DYNC1I1: variants seen among roughly 807,000 people sequenced by gnomAD.
DYNC1I1 encodes dynein cytoplasmic 1 intermediate chain 1.
A neutral mutation model predicts 86.6 loss-of-function variants in DYNC1I1; 43 were observed. The observed-to-expected ratio is 0.50, with a 90% CI of 0.39 to 0.64. DYNC1I1 has a LOEUF of 0.64. Ranked by LOEUF, DYNC1I1 falls within the 30% of genes least tolerant of loss-of-function variation. The pLI is 0.00. For synonymous variants in DYNC1I1, 262 were observed against 283.7 expected (o/e 0.92, Z 0.77); for missense variants, 604 against 788.8 (o/e 0.77, Z 2.81).
chr7:96,037,532 G>A (rs566899562), intron 13 of DYNC1I1, among the ~76,000 whole-genome samples: 15 of 152,220 alleles, frequency 9.9e-5, no homozygotes, highest in South Asian at 6.2e-4. Context: ...ATCTATATGC[G>A]TATTAGAATC....
intron 10 of DYNC1I1, among the ~76,000 whole-genome samples, chr7:96,021,827 A>T (rs1328451282): frequency 1.3e-5 from 2 of 152,178 alleles, no homozygotes; most frequent in Non-Finnish European, 2.9e-5. Context: ...ATGCTATACC[A>T]TGCATCAGTA....
In DYNC1I1 at chr7:95,858,974, A is replaced by G. The variant is rs982351541; in HGVS notation, c.375-10909A>G. 2.7e-5 allele frequency among the ~76,000 whole-genome samples: 4 copies of G among 146,906 alleles called. No individual in the cohort carries two copies. In the Admixed American group the frequency reaches 2.7e-4, roughly 10 times the overall value. On this transcript the variant is annotated intron_variant, in intron 5 of 16. Coordinates refer to ENST00000447467, the MANE Select transcript of DYNC1I1 (RefSeq NM_001135556.2). ...TAATATATAATTAATATATAAATGT[A>G]TAAGATATTAATGTATTTATTATAT...
chr7:95,959,164 G>A (rs921167389), intron 6 of DYNC1I1, among the ~76,000 whole-genome samples: 4 of 152,062 alleles, frequency 2.6e-5, no homozygotes. Context: ...TCTGTGAGAG[G>A]CTATGAATGC....
intron 6 of DYNC1I1, among the ~76,000 whole-genome samples, chr7:95,943,150 A>C (rs1351923300): frequency 5.2e-4 from 78 of 149,796 alleles, no homozygotes; most frequent in African/African-American, 1.8e-3. Context: ...AAATCTCCTT[A>C]AGCTGATAAG....
chr7:95,902,960 T>C (rs542182009), intron 6 of DYNC1I1, among the ~76,000 whole-genome samples: 1 of 152,268 alleles, frequency 6.6e-6, no homozygotes, highest in Admixed American at 6.5e-5. Context: ...GGTCCAGTGT[T>C]TTTGTTTTTA....
intron 16 of DYNC1I1, among the ~76,000 whole-genome samples, chr7:96,090,168 T>C (rs994132209): frequency 6.6e-6 from 1 of 152,130 alleles, no homozygotes; most frequent in Non-Finnish European, 1.5e-5. Flanking sequence ...GATGATAAGA[T>C]TTTAATACAA....
chr7:95,963,993 A>G (rs1483765151), intron 6 of DYNC1I1, among the ~76,000 whole-genome samples: 37 of 152,188 alleles, frequency 2.4e-4, no homozygotes, highest in Admixed American at 2.4e-3. Context: ...AAATTATTAC[A>G]CTGACAGACA....
At chr7:96,058,145 C>G (rs1789643081) in intron 14 of DYNC1I1, among the ~76,000 whole-genome samples, 1 of 152,106 alleles carries the variant, frequency 6.6e-6, no homozygotes, top group South Asian at 2.1e-4. Context: ...GACATTCTAC[C>G]ATGAAGTAAG....
intron 10 of DYNC1I1, among the ~76,000 whole-genome samples, chr7:95,999,487 C>T (rs2299271): frequency 0.058 from 8,855 of 152,184 alleles, 486 homozygotes; most frequent in East Asian, 0.2. Context: ...CAGCTAACCT[C>T]GTTTGTGTCA....
chr7:95,845,727 G>A (rs144254742), intron 5 of DYNC1I1, among the ~76,000 whole-genome samples: 1 of 152,118 alleles, frequency 6.6e-6, no homozygotes, highest in Non-Finnish European at 1.5e-5. Flanking sequence ...TATAAATATA[G>A]ATTTATATTC....
chr7:96,104,812 C>A (rs142702097), intron 16 of DYNC1I1, among the ~76,000 whole-genome samples: 22 of 152,152 alleles, frequency 1.4e-4, no homozygotes, highest in African/African-American at 5.3e-4. Flanking sequence ...CGTAAGTACT[C>A]CAACTTTGTT....
chr7:95,934,128 A>G (rs915207143), intron 6 of DYNC1I1, among the ~76,000 whole-genome samples: 6 of 152,138 alleles, frequency 3.9e-5, no homozygotes, highest in Admixed American at 3.3e-4. Context: ...AATTTCTTGG[A>G]CTAAAAACTG....
At chr7:95,795,748 T>A in intron 1 of DYNC1I1, among the ~76,000 whole-genome samples, 1 of 151,512 alleles carries the variant, frequency 6.6e-6, no homozygotes, top group South Asian at 2.1e-4. Context: ...GGGTGGAGGG[T>A]GGGAGTAGGG....
At chr7:96,004,077 G>T (rs1562969093) in intron 10 of DYNC1I1, among the ~76,000 whole-genome samples, 3 of 152,072 alleles carry the variant, frequency 2.0e-5, no homozygotes, top group Non-Finnish European at 4.4e-5. Flanking sequence ...TTAATTTTTG[G>T]AATTATTTGA....
chr7:95,863,891 G>T (rs1215435381), intron 5 of DYNC1I1, among the ~76,000 whole-genome samples: 1 of 149,182 alleles, frequency 6.7e-6, no homozygotes, highest in African/African-American at 2.5e-5. Context: ...ATTATTCATA[G>T]TACTAAAAAT....
chr7:96,107,566 C>G (rs1040539656), intron 16 of DYNC1I1, among the ~76,000 whole-genome samples: 6 of 146,936 alleles, frequency 4.1e-5, no homozygotes, highest in Admixed American at 2.7e-4. Flanking sequence ...GAGTCTTGCT[C>G]TATTGCCCAG....
intron 14 of DYNC1I1, among the ~76,000 whole-genome samples, chr7:96,043,167 C>CAAAA (rs111888029): frequency 2.5e-4 from 16 of 62,788 alleles, no homozygotes; most frequent in South Asian, 5.6e-4. Flanking sequence ...GACTCCATCT[C>CAAAA]AAAAAAAAAA....
intron 10 of DYNC1I1, among the ~76,000 whole-genome samples, chr7:96,001,051 C>T (rs1198252857): frequency 2.0e-5 from 3 of 152,206 alleles, no homozygotes; most frequent in African/African-American, 7.2e-5. Context: ...TAGCCTCTTA[C>T]TAGCATTTGC....
At chr7:96,049,345 T>TA (rs996536220) in intron 14 of DYNC1I1, among the ~76,000 whole-genome samples, 4 of 151,114 alleles carry the variant, frequency 2.6e-5, no homozygotes, top group South Asian at 4.2e-4. Context: ...AGAGGCAAAG[T>TA]AAAAAAAATA....
Sources: gnomAD v4.1 joint callset for allele counts (sites outside exome capture counted in the v4.1 genomes callset) on GRCh38, gnomAD v4.1.1 for gene constraint, MANE v1.5 for transcripts, NCBI Gene and HGNC (gene_info 2026-07-23, HGNC 2026-07-21) for gene names.